The following EYS variants were observed in gnomAD, a reference collection of about 807,000 sequenced individuals.
EYS encodes the protein protein eyes shut homolog.
Under a neutral mutation model 282.1 loss-of-function variants are expected in EYS, and 250 were observed. The ratio of observed to expected loss-of-function variants is 0.89; its 90% CI spans 0.80 to 0.98. The LOEUF is 0.98. Ranked by LOEUF, EYS falls within the 50% of genes least tolerant of loss-of-function variation. The pLI is 0.00. For synonymous variants in EYS, 1,355 were observed against 1,282.9 expected (o/e 1.06, Z -1.20); for missense variants, 4,016 against 3,709.0 (o/e 1.08, Z -2.15).
intron 13 of EYS, among the ~76,000 whole-genome samples, chr6:65,038,876 C>T (rs1056471702): frequency 1.3e-4 from 19 of 151,236 alleles, no homozygotes; most frequent in Admixed American, 2.6e-4. Flanking sequence ...ATTTGCACAC[C>T]GTTTTAGTGT....
intron 36 of EYS, among the ~76,000 whole-genome samples, chr6:63,827,256 A>T (rs994801217): frequency 6.6e-6 from 1 of 152,178 alleles, no homozygotes; most frequent in Non-Finnish European, 1.5e-5. Flanking sequence ...CTAACACTGG[A>T]GCTCCCAAAT....
intron 26 of EYS, among the ~76,000 whole-genome samples, chr6:64,461,712 CT>C (rs1425067713): frequency 2.0e-5 from 3 of 152,062 alleles, no homozygotes; most frequent in African/African-American, 7.2e-5. Flanking sequence ...AAGAGTGGAT[CT>C]TTACTCAGAA....
chr6:64,127,863 G>T (rs6924484), intron 31 of EYS, among the ~76,000 whole-genome samples: 1 of 151,980 alleles, frequency 6.6e-6, no homozygotes, highest in Admixed American at 6.6e-5. Context: ...TATTATATGG[G>T]AAAATAATTA....
At chr6:64,519,946 C>T (rs1204636548) in intron 26 of EYS, among the ~76,000 whole-genome samples, 2 of 151,736 alleles carry the variant, frequency 1.3e-5, no homozygotes, top group Non-Finnish European at 2.9e-5. Context: ...AAACTACTAC[C>T]ATATGCAAAA....
chr6:65,146,431 A>C (rs961371378), intron 12 of EYS, among the ~76,000 whole-genome samples: 2 of 151,964 alleles, frequency 1.3e-5, no homozygotes, highest in Admixed American at 1.3e-4. Flanking sequence ...GATGTGAATA[A>C]ATCATGGAAA....
chr6:65,233,050 T>G (rs1766826329), intron 12 of EYS, among the ~76,000 whole-genome samples: 1 of 152,172 alleles, frequency 6.6e-6, no homozygotes, highest in South Asian at 2.1e-4. Flanking sequence ...ATTGATATTC[T>G]CCATTTGATA....
chr6:64,120,098 A>G (rs1273458245), intron 31 of EYS, among the ~76,000 whole-genome samples: 1 of 152,008 alleles, frequency 6.6e-6, no homozygotes, highest in Non-Finnish European at 1.5e-5. Context: ...CTGTAATCCC[A>G]GCACTTTGGG....
At chr6:65,622,116 C>T (rs1172039232) in intron 2 of EYS, among the ~76,000 whole-genome samples, 1 of 152,076 alleles carries the variant, frequency 6.6e-6, no homozygotes, top group African/African-American at 2.4e-5. Flanking sequence ...AAATGGAGAC[C>T]AGAATGAGAC....
intron 2 of EYS, among the ~76,000 whole-genome samples, chr6:65,615,940 GA>G (rs1174540657): frequency 2.1e-4 from 6 of 29,068 alleles, no homozygotes; most frequent in Non-Finnish European, 2.9e-4. Flanking sequence ...TCTCAAAAAA[GA>G]AAAAAAAAAG....
intron 36 of EYS, among the ~76,000 whole-genome samples, chr6:63,842,656 G>T (rs1457276234): frequency 6.6e-6 from 1 of 152,062 alleles, no homozygotes; most frequent in Non-Finnish European, 1.5e-5. Context: ...CATTGCTTTT[G>T]GTGTTTTAGT....
intron 12 of EYS, among the ~76,000 whole-genome samples, chr6:65,270,811 T>C (rs1178225945): frequency 1.3e-5 from 2 of 152,002 alleles, no homozygotes; most frequent in Non-Finnish European, 2.9e-5. Flanking sequence ...TGCTCCATTG[T>C]CCAATAACAT....
Position 63,739,789 on chromosome 6 carries a change from G to A in EYS, c.8072-13109C>T, listed in dbSNP as rs145972900. Among the ~76,000 whole-genome samples the A allele has an allele frequency of 7.4e-3, 1,121 of 151,706 alleles. 16 individuals are homozygous for A. Among genetic ancestry groups the A allele is most frequent in the South Asian group, 0.024 (116 of 4,784 alleles). ...GCTCACTGCAACCTCTACATCCTGC[G>A]TTCAAGCAATTCTCCTGCCTCAGCC... is the stretch of plus-strand genomic sequence containing the variant. On this transcript the variant is annotated intron_variant, in intron 41 of 42. Coordinates refer to ENST00000503581, the MANE Select transcript of EYS (RefSeq NM_001142800.2).
chr6:64,593,138 C>G lies in EYS; in HGVS notation c.3856G>C (p.Asp1286His). The G allele has an allele frequency of 6.5e-7, 1 of 1,536,324 alleles. No individual in the cohort carries two copies. The highest frequency in any genetic ancestry group is 8.8e-7 in the Non-Finnish European group (1 of 1,141,056). Reference sequence around the variant, plus strand: ...TTACCTTGATCAACTGGGTAAGTGTCCATTATGGCTGGTATTCTAGTAGCC... The same window carrying G: ...TTACCTTGATCAACTGGGTAAGTGTGCATTATGGCTGGTATTCTAGTAGCC... ...IKATRIPAIM[D>H]TYPVDQGPKQ... The change falls in exon 25 of 43, where the codon GAC becomes CAC. Residue 1286 changes from aspartate to histidine, a missense_variant. Transcript: ENST00000503581.
At chr6:64,583,634 A>G (rs1329389279) in intron 26 of EYS, among the ~76,000 whole-genome samples, 1 of 152,128 alleles carries the variant, frequency 6.6e-6, no homozygotes, top group Non-Finnish European at 1.5e-5. Flanking sequence ...CATCTCTACT[A>G]AAAATACAAA....
intron 31 of EYS, among the ~76,000 whole-genome samples, chr6:64,201,268 C>T (rs1765453968): frequency 6.6e-6 from 1 of 151,990 alleles, no homozygotes; most frequent in Non-Finnish European, 1.5e-5. Context: ...TAATTAGAAA[C>T]ACTTCCTATT....
chr6:64,035,462 G>A (rs1384355212), intron 33 of EYS, among the ~76,000 whole-genome samples: 2 of 152,176 alleles, frequency 1.3e-5, no homozygotes, highest in Non-Finnish European at 2.9e-5. Context: ...TCTCAAACAT[G>A]TCCAGACCAC....
intron 35 of EYS, among the ~76,000 whole-genome samples, chr6:63,975,497 T>C (rs1766792654): frequency 6.6e-6 from 1 of 152,062 alleles, no homozygotes; most frequent in South Asian, 2.1e-4. Context: ...ATGCGTTACT[T>C]TTTGTTTAAG....
chr6:64,414,417 G>T (rs1774000997), intron 28 of EYS, among the ~76,000 whole-genome samples: 1 of 152,022 alleles, frequency 6.6e-6, no homozygotes, highest in South Asian at 2.1e-4. Context: ...TTTCCAGGCA[G>T]CCTTGATTCA....
At chr6:64,186,830 T>A (rs1272358594) in intron 31 of EYS, among the ~76,000 whole-genome samples, 1 of 152,174 alleles carries the variant, frequency 6.6e-6, no homozygotes, top group Non-Finnish European at 1.5e-5. Context: ...ACCTGAGTTA[T>A]GTTTTAAAAC....
Sources: gnomAD v4.1 joint callset for allele counts (sites outside exome capture counted in the v4.1 genomes callset) on GRCh38, gnomAD v4.1.1 for gene constraint, MANE v1.5 for transcripts, NCBI Gene and HGNC (gene_info 2026-07-23, HGNC 2026-07-21) for gene names.